MYOM3: variants seen among roughly 807,000 people sequenced by gnomAD.
MYOM3 encodes the protein myomesin 3.
In MYOM3, 155 loss-of-function variants were observed where a neutral mutation model predicts 191.7. The ratio of observed to expected loss-of-function variants is 0.81; its 90% confidence interval spans 0.71 to 0.92. The LOEUF is 0.92. Among genes scored for constraint, MYOM3 ranks in the 40% least tolerant of loss-of-function variants. The probability of loss-of-function intolerance (pLI) is 0.00; values close to 1 mark genes in which losing one functional copy is unlikely to be tolerated. For synonymous variants in MYOM3, 757 were observed against 762.9 expected (o/e 0.99, Z 0.13); for missense variants, 1,889 against 1,890.6 (o/e 1.00, Z 0.02).
At chr1:24,061,196 A>T in intron 34 of MYOM3, 77 bp downstream of exon 34, 1 of 1,606,192 alleles carries the variant, frequency 6.2e-7, no homozygotes, top group Admixed American at 1.7e-5. Context: ...GGCTCCCAGG[A>T]AGGAGTCCTG....
In MYOM3 at chr1:24,078,405, C is replaced by T. The variant is rs983039473; in HGVS notation, c.2586+1611G>A. Among the ~76,000 whole-genome samples the T allele has an allele frequency of 2.6e-5, 4 of 152,154 alleles. No individual in the cohort carries two copies. The East Asian group carries it at 5.8e-4, about 22-fold the overall frequency. On this transcript the variant is annotated intron_variant, in intron 20 of 36. Coordinates refer to ENST00000374434, the MANE Select transcript of MYOM3 (RefSeq NM_152372.4). ...GTGCTGGGATTACAGGCATGAGACC[C>T]GCCGTGCCCAGCCAAAATCTTTTTA...
rs1281994713 is a variant in MYOM3, at chr1:24,061,097, T to G, written c.3972-15A>C. 1.9e-6 allele frequency: 3 copies of G among 1,613,758 alleles called. No homozygotes were observed. Among genetic ancestry groups the G allele is most frequent in the South Asian group, 2.2e-5 (2 of 91,052 alleles). On this transcript the variant is annotated splice_polypyrimidine_tract_variant and intron_variant, in intron 34 of 36. Transcript: ENST00000374434. ...TGGCCAAGGTTCTGAAAAACAGAAA[T>G]GGGAACAAGGTGTGACATTCCACTT...
chr1:24,074,971 G>A (rs1033226895), intron 22 of MYOM3, among the ~76,000 whole-genome samples: 2 of 152,158 alleles, frequency 1.3e-5, no homozygotes, highest in Non-Finnish European at 2.9e-5. Context: ...AAGCTACTCA[G>A]GAGGCTGAGG....
intron 11 of MYOM3, among the ~76,000 whole-genome samples, 164 bp downstream of exon 11, chr1:24,092,010 A>G (rs1222762356): frequency 6.6e-6 from 1 of 152,116 alleles, no homozygotes; most frequent in Non-Finnish European, 1.5e-5. Flanking sequence ...ATGCCCCTCC[A>G]TTGCCCCTAA....
chr1:24,104,452 T>C (rs1369559554), intron 5 of MYOM3, among the ~76,000 whole-genome samples: 2 of 152,158 alleles, frequency 1.3e-5, no homozygotes, highest in East Asian at 3.9e-4. Context: ...GTTAATTCCT[T>C]GAAGGTGAGA....
intron 25 of MYOM3, among the ~76,000 whole-genome samples, chr1:24,070,603 CAG>C (rs1643519190): frequency 6.6e-6 from 1 of 151,750 alleles, no homozygotes; most frequent in Non-Finnish European, 1.5e-5. Flanking sequence ...CAAACAAAAA[CAG>C]AAAACAAAAA....
Position 24,075,305 on chromosome 1 carries a change from C to T in MYOM3, c.2858+14G>A. 6.2e-7 allele frequency: 1 copy of T among 1,611,656 alleles called. No homozygotes were observed. The highest frequency in any genetic ancestry group is 1.1e-5 in the South Asian group (1 of 90,896). ...GTCCCGTTGAGCAGTTGTTTCTCCT[C>T]TCGCCTCACTTACTTGTTAACTTTA... On this transcript the variant is annotated intron_variant, in intron 22 of 36. Coordinates refer to ENST00000374434, the MANE Select transcript of MYOM3 (RefSeq NM_152372.4).
rs10903083 is a variant in MYOM3, at chr1:24,074,143, C to A, written c.2968+17G>T. 1.8e-5 allele frequency: 28 copies of A among 1,593,070 alleles called. No homozygotes were observed. Among genetic ancestry groups the A allele is most frequent in the Non-Finnish European group, 2.2e-5 (26 of 1,162,012 alleles). On this transcript the variant is annotated intron_variant, in intron 23 of 36. Coordinates refer to ENST00000374434, the MANE Select transcript of MYOM3 (RefSeq NM_152372.4). ...CTCTCTCTGGGGAGGTGGCAGGGAG[C>A]GGGGTAGGTGCATTACCTTCCTCGG...
rs1644036457 is a variant in MYOM3 at position 24,111,294 on chromosome 1, T to C, written c.-19+737A>G. Among the ~76,000 whole-genome samples, 1 of 152,140 alleles carries C rather than the reference T, an allele frequency of 6.6e-6. No homozygotes were observed. Among genetic ancestry groups the C allele is most frequent in the South Asian group, 2.1e-4 (1 of 4,822 alleles). ...CCTCTGCTTTCCTCCCAAGCCTCCA[T>C]CTGCCGAGGAGGCCTCTCCCCTTCT... On this transcript the variant is annotated intron_variant, in intron 1 of 36. Coordinates refer to ENST00000374434, the MANE Select transcript of MYOM3 (RefSeq NM_152372.4). This position sits in a 1 kb window ranked among gnomAD's most constrained non-coding sequence, Gnocchi z 4.7.
At chr1:24,092,803 C>A in intron 10 of MYOM3, 144 bp downstream of exon 10, 2 of 841,026 alleles carry the variant, frequency 2.4e-6, no homozygotes, top group Non-Finnish European at 3.5e-6. Flanking sequence ...GTCTTGGAGA[C>A]CCCAACCCAA....
chr1:24,082,804 C>A (rs1040702269), intron 16 of MYOM3, 90 bp from the exon 17 acceptor site: 6 of 1,442,054 alleles, frequency 4.2e-6, no homozygotes, highest in Admixed American at 5.0e-5. Flanking sequence ...AATAAGTGGT[C>A]ACCAGCGTGG....
intron 30 of MYOM3, 40 bp downstream of exon 30, chr1:24,064,032 G>A (rs774814383): frequency 6.2e-6 from 9 of 1,459,618 alleles, no homozygotes; most frequent in South Asian, 4.6e-5. Context: ...CTGCTCCACT[G>A]TGCTCCCTCC....
intron 9 of MYOM3, among the ~76,000 whole-genome samples, chr1:24,094,073 G>A (rs993910465): frequency 2.6e-5 from 4 of 151,986 alleles, no homozygotes; most frequent in Non-Finnish European, 5.9e-5. Context: ...TGCAAAGTCC[G>A]ATGCAACTGT....
chr1:24,089,711 A>AC, intron 13 of MYOM3, 46 bp from the exon 14 acceptor site: 1 of 1,530,880 alleles, frequency 6.5e-7, no homozygotes, highest in Non-Finnish European at 8.8e-7. Flanking sequence ...ACCCTCAGAG[A>AC]CCCCCTAATC....
In MYOM3 at chr1:24,071,214, T is replaced by G. The variant is rs367729723; in HGVS notation, c.3053A>C (p.Glu1018Ala). ...LISGWNIDIL[E>A]RGEVRLWLEV... ...CAGCCAAAGCCGCACCTCCCCTCGC[T>G]CCAGGATGTCAATGTTCCAGCCGGA... Residue 1018 changes from glutamate (E) to alanine (A), a missense_variant, in exon 25 of 37, where the codon GAG (glutamate) becomes GCG (alanine). Physicochemically the swap from Glu to Ala is moderately radical, Grantham distance 107. Coordinates refer to ENST00000374434, the MANE Select transcript of MYOM3 (RefSeq NM_152372.4). 16 of 1,613,870 alleles carry G rather than the reference T, an allele frequency of 9.9e-6. No homozygotes were observed. Among genetic ancestry groups the G allele is most frequent in the Non-Finnish European group, 1.3e-5 (15 of 1,179,926 alleles).
intron 32 of MYOM3, 147 bp downstream of exon 32, chr1:24,062,979 C>T (rs962764390): frequency 1.3e-5 from 8 of 604,758 alleles, no homozygotes; most frequent in Non-Finnish European, 2.4e-5. Flanking sequence ...GAGACTCTGT[C>T]TCTGCTAACC....
chr1:24,074,540 C>T (rs1643573368), intron 22 of MYOM3, among the ~76,000 whole-genome samples: 1 of 152,214 alleles, frequency 6.6e-6, no homozygotes. Context: ...GAGGCATAGG[C>T]TTTATGCCTT....
intron 6 of MYOM3, 88 bp downstream of exon 6, chr1:24,099,592 C>A: frequency 9.6e-7 from 1 of 1,046,162 alleles, no homozygotes. Flanking sequence ...ACTTGGGCCT[C>A]AGCTCCGAGG....
In MYOM3 at chr1:24,057,197, C is replaced by T. The variant is rs868300003; in HGVS notation, c.*167G>A. The T allele has an allele frequency of 1.5e-6, 1 of 688,246 alleles. No homozygotes were observed. The highest frequency in any genetic ancestry group is 2.4e-6 in the Non-Finnish European group (1 of 418,564). 42.6% of individuals were successfully genotyped at this position (688,246 alleles called of 1,614,324 possible). A position where few individuals can be genotyped will look rare whatever the true frequency, so the allele number is the denominator to read the frequency against. ...CAGGACCCCAGAAAGATCTTTGCTTCTCCACTTTGGTGCATCCGCTCCACC... is the reference window on the plus strand; with the variant it reads ...CAGGACCCCAGAAAGATCTTTGCTTTTCCACTTTGGTGCATCCGCTCCACC... On this transcript the variant is annotated 3_prime_UTR_variant, in exon 37 of 37. Transcript: ENST00000374434.
Sources: gnomAD v4.1 joint callset for allele counts (sites outside exome capture counted in the v4.1 genomes callset) on GRCh38, gnomAD v4.1.1 for gene constraint, Gnocchi (gnomAD v3.1) non-coding constraint, MANE v1.5 for transcripts, NCBI Gene and HGNC (gene_info 2026-07-23, HGNC 2026-07-21) for gene names.